Variants in TRPV1 observed in about 807,000 individuals in gnomAD.
The protein encoded by TRPV1 is transient receptor potential cation channel subfamily V member 1.
Under a neutral mutation model 82.3 loss-of-function variants are expected in TRPV1, and 82 were observed. That is an observed-to-expected ratio of 1.00 (90% CI 0.83 to 1.20). TRPV1 has a LOEUF of 1.20. Among genes scored for constraint, TRPV1 ranks in the 50% most tolerant of loss-of-function variants. The pLI, the probability that TRPV1 is intolerant of heterozygous loss-of-function variation, is 0.00. For missense variants in TRPV1, 1,067 were observed against 1,096.8 expected (o/e 0.97, Z 0.38); for synonymous variants, 515 against 467.7 (o/e 1.10, Z -1.30).
In TRPV1 at chr17:3,573,717, G is replaced by A; in HGVS notation, c.2019C>T (p.Ile673=). The A allele has an allele frequency of 6.2e-7, 1 of 1,614,072 alleles. No individual in the cohort carries two copies. Among genetic ancestry groups the A allele is most frequent in the Non-Finnish European group, 8.5e-7 (1 of 1,180,008 alleles). ...LLLAYVILTY[I]LLLNMLIALM... ...GGGCGATGAGCATGTTGAGCAGGAG[G>A]ATGTAGGTGAGAATTACATAGGCCA... Residue 673 remains isoleucine, a synonymous_variant, in exon 14 of 17, where the codon ATC becomes ATT. Coordinates refer to ENST00000572705, the MANE Select transcript of TRPV1 (RefSeq NM_080704.4).
At position 3,591,468 on chromosome 17, in the gene TRPV1, A is replaced by G. The variant is rs1218075143; in HGVS notation, c.285-115T>C. ...CCAAGGCAAACCAAAAAGGGGAAAA[A>G]TGATATAAAAGCTGCCCCTCAGTCT... On this transcript the variant is annotated intron_variant, in intron 3 of 16. Transcript: ENST00000572705. 7.9e-6 allele frequency: 10 copies of G among 1,260,524 alleles called. No homozygotes were observed. In the African/African-American group the frequency reaches 1.4e-4, roughly 17 times the overall value. The allele number at this position is 1,260,524 out of a possible 1,614,324, so 78.1% of individuals were successfully genotyped here.
intron 2 of TRPV1, among the ~76,000 whole-genome samples, chr17:3,604,932 C>T (rs899599315): frequency 2.6e-5 from 4 of 152,160 alleles, no homozygotes; most frequent in Admixed American, 1.3e-4. Flanking sequence ...CTCAGGCGGG[C>T]ATGCAAGACC....
In TRPV1 at chr17:3,573,551, C is replaced by CCCCCCCCCCCCCCCCT; in HGVS notation, c.2103+81_2103+82insAGGGGGGGGGGGGGGG. ...CACACCGCCCCCACCACCCACCCACCTGCAGCCAGCTGTGTAAGACAGCAG... is the reference window on the plus strand; with the variant it reads ...CACACCGCCCCCACCACCCACCCACCCCCCCCCCCCCCCCCTTGCAGCCAGCTGTGTAAGACAGCAG... On this transcript the variant is annotated intron_variant, in intron 14 of 16. Coordinates refer to ENST00000572705, the MANE Select transcript of TRPV1 (RefSeq NM_080704.4). The CCCCCCCCCCCCCCCCT allele has an allele frequency of 3.1e-5, 20 of 635,234 alleles. 2 individuals are homozygous for CCCCCCCCCCCCCCCCT. The highest frequency in any genetic ancestry group is 2.4e-4 in the South Asian group (4 of 16,418). 39.3% of individuals were successfully genotyped at this position (635,234 alleles called of 1,614,324 possible).
intron 16 of TRPV1, among the ~76,000 whole-genome samples, chr17:3,569,363 GT>G (rs2074817407): frequency 6.6e-6 from 1 of 152,182 alleles, no homozygotes; most frequent in Admixed American, 6.5e-5. Context: ...GAAGGCGGAG[GT>G]TGCAGTGAGC....
At chr17:3,602,778 T>C (rs972167638) in intron 2 of TRPV1, among the ~76,000 whole-genome samples, 1 of 152,210 alleles carries the variant, frequency 6.6e-6, no homozygotes, top group Non-Finnish European at 1.5e-5. Flanking sequence ...CTCTTGACAC[T>C]GGCCATCGGA....
Position 3,573,957 on chromosome 17 carries a change from T to C in TRPV1, c.1781-2A>G. 1 of 1,595,416 alleles carries C rather than the reference T, an allele frequency of 6.3e-7. No homozygotes were observed. The highest frequency in any genetic ancestry group is 2.2e-5 in the East Asian group (1 of 44,626). On this transcript the variant is annotated splice_acceptor_variant, in intron 13 of 16. Transcript: ENST00000572705. LOFTEE classifies it high-confidence loss of function. ...CGTCTTCAATCAGCGTCACCACCGC[T>C]ACAGGGCACAGGGAGGGCGGGGTGC...
intron 2 of TRPV1, among the ~76,000 whole-genome samples, chr17:3,602,920 G>C (rs571407060): frequency 6.6e-6 from 1 of 152,092 alleles, no homozygotes; most frequent in Non-Finnish European, 1.5e-5. Context: ...TCGGGAGTTC[G>C]AGACCAGCCT....
At chr17:3,588,821 A>C (rs1032655914) in intron 7 of TRPV1, 1 of 1,305,902 alleles carries the variant, frequency 7.7e-7, no homozygotes, top group African/African-American at 1.5e-5. Context: ...TCTAAAAAAA[A>C]AAAAAAAAAC....
chr17:3,573,532 G>GGCCCCCCCCCCC lies in TRPV1; in HGVS notation c.2103+100_2103+101insGGGGGGGGGGGC. The GGCCCCCCCCCCC allele has an allele frequency of 5.8e-5, 15 of 257,074 alleles. 5 individuals are homozygous for GGCCCCCCCCCCC. Among genetic ancestry groups the GGCCCCCCCCCCC allele is most frequent in the South Asian group, 1.5e-4 (5 of 33,504 alleles). 15.9% of individuals were successfully genotyped at this position (257,074 alleles called of 1,614,324 possible). ...GCCCATACCCTCCTGGCCACACACC[G>GGCCCCCCCCCCC]CCCCCACCACCCACCCACCTGCAGC... On this transcript the variant is annotated intron_variant, in intron 14 of 16. Transcript: ENST00000572705.
chr17:3,588,826 A>AAAC (rs2075116453), intron 7 of TRPV1: 457 of 1,274,808 alleles, frequency 3.6e-4, no homozygotes, highest in East Asian at 6.3e-4. Context: ...AAAAAAAAAA[A>AAAC]AAAACAAAAC....
chr17:3,587,372 C>T (rs1271734636), intron 8 of TRPV1, among the ~76,000 whole-genome samples: 3 of 152,166 alleles, frequency 2.0e-5, no homozygotes, highest in African/African-American at 4.8e-5. Flanking sequence ...CCCAAGTCTG[C>T]CTTAGGAGCT....
chr17:3,567,048 C>A, intron 16 of TRPV1, 61 bp from the exon 17 acceptor site: 1 of 1,573,788 alleles, frequency 6.4e-7, no homozygotes. Context: ...TTCTTGGCCT[C>A]CCAAGTCTCC....
intron 11 of TRPV1, chr17:3,578,606 T>C (rs2074965222): frequency 6.6e-6 from 1 of 152,220 alleles, no homozygotes; most frequent in Non-Finnish European, 1.5e-5. Context: ...GGTAAATCAG[T>C]GTGGTAAACC....
chr17:3,581,961 T>A (rs186812773), intron 10 of TRPV1, among the ~76,000 whole-genome samples: 2 of 136,236 alleles, frequency 1.5e-5, no homozygotes, highest in Non-Finnish European at 3.2e-5. Context: ...GAGGCCAAGG[T>A]GGGCGGATCA....
At chr17:3,593,636 T>A (rs1050169762) in intron 2 of TRPV1, among the ~76,000 whole-genome samples, 2 of 152,106 alleles carry the variant, frequency 1.3e-5, no homozygotes, top group Admixed American at 1.3e-4. Context: ...TGATGCCGCC[T>A]CCTCCATGAA....
intron 16 of TRPV1, among the ~76,000 whole-genome samples, chr17:3,570,915 C>T (rs1459604190): frequency 2.0e-5 from 3 of 152,080 alleles, no homozygotes; most frequent in African/African-American, 4.8e-5. Context: ...TGGGGTTTCA[C>T]GATGTTGGCC....
chr17:3,603,916 G>C (rs1423642328), intron 2 of TRPV1, among the ~76,000 whole-genome samples: 1 of 152,100 alleles, frequency 6.6e-6, no homozygotes, highest in Non-Finnish European at 1.5e-5. Flanking sequence ...AGAGCAGTAG[G>C]GTCAACAGGG....
chr17:3,597,020 C>T (rs1395662145), intron 2 of TRPV1: 2 of 152,340 alleles, frequency 1.3e-5, no homozygotes, highest in African/African-American at 4.8e-5. Context: ...GAGTGGTCTC[C>T]CCGCCTCCGT....
At position 3,590,030 on chromosome 17, in the gene TRPV1, T is replaced by C. The variant is rs773291019; in HGVS notation, c.821A>G (p.Gln274Arg). Residue 274 changes from glutamine (Q) to arginine (R), a missense_variant, in exon 7 of 17, where the codon CAG becomes CGG. Coordinates refer to ENST00000572705, the MANE Select transcript of TRPV1 (RefSeq NM_080704.4). ...IVKFLLQNSW[Q>R]TADISARDSV... Reference sequence around the variant, plus strand: ...GTCCCTGGCGCTGATGTCGGCCGTCTGCCAGGAGTTCTGCAGCAGGAACTT... The same window carrying C: ...GTCCCTGGCGCTGATGTCGGCCGTCCGCCAGGAGTTCTGCAGCAGGAACTT... 1 of 1,577,274 alleles carries C rather than the reference T, an allele frequency of 6.3e-7. No homozygotes were observed. The highest frequency in any genetic ancestry group is 2.4e-5 in the East Asian group (1 of 42,522).
Sources: allele counts gnomAD v4.1 joint callset (sites outside exome capture counted in the v4.1 genomes callset), GRCh38; gene constraint gnomAD v4.1.1; transcripts MANE v1.5; gene names NCBI Gene and HGNC (gene_info 2026-07-23, HGNC 2026-07-21).